Variants in MAGI2 observed in about 807,000 individuals in gnomAD.
The protein encoded by MAGI2 is membrane associated guanylate kinase, WW and PDZ domain containing 2.
A neutral mutation model predicts 133.3 loss-of-function variants in MAGI2; 35 were observed. That is an observed-to-expected ratio of 0.26 (90% confidence interval 0.20 to 0.35). The LOEUF is 0.35. Ranked by LOEUF, MAGI2 falls within the 10% of genes least tolerant of loss-of-function variation. The probability of loss-of-function intolerance (pLI) is 1.00; values close to 1 mark genes in which losing one functional copy is unlikely to be tolerated. For synonymous variants in MAGI2, 729 were observed against 710.6 expected, an observed-to-expected ratio of 1.03 and a Z score of -0.41; for missense variants, 1,636 against 1,863.4, an observed-to-expected ratio of 0.88 and a Z score of 2.25.
intron 1 of MAGI2, among the ~76,000 whole-genome samples, chr7:79,107,159 T>A (rs1000851320): frequency 2.0e-5 from 3 of 152,002 alleles, no homozygotes; most frequent in South Asian, 4.1e-4. Flanking sequence ...TCTAACCACA[T>A]GAATAAGTGG....
intron 20 of MAGI2, among the ~76,000 whole-genome samples, chr7:78,117,865 G>T (rs971640426): frequency 6.6e-6 from 1 of 152,024 alleles, no homozygotes; most frequent in Non-Finnish European, 1.5e-5. Context: ...TCTCTTCACT[G>T]GTTAACAGTT....
chr7:78,075,171 A>G (rs142634550), intron 21 of MAGI2, among the ~76,000 whole-genome samples: 337 of 152,248 alleles, frequency 2.2e-3, no homozygotes, highest in Non-Finnish European at 2.1e-3. Flanking sequence ...AACCTTGGGC[A>G]CTGAGTCTCC....
chr7:79,440,040 T>C (rs761397316), intron 1 of MAGI2, among the ~76,000 whole-genome samples: 51 of 152,246 alleles, frequency 3.3e-4, no homozygotes, highest in Non-Finnish European at 6.8e-4. Context: ...CTCATCTTTC[T>C]AACCATTTCT....
chr7:78,999,925 C>T (rs1243498721), intron 2 of MAGI2, among the ~76,000 whole-genome samples: 2 of 152,108 alleles, frequency 1.3e-5, no homozygotes, highest in African/African-American at 4.8e-5. Flanking sequence ...AATCTGGCAG[C>T]TTCATTCTGA....
At chr7:79,150,846 T>A (rs1216586506) in intron 1 of MAGI2, among the ~76,000 whole-genome samples, 1 of 152,048 alleles carries the variant, frequency 6.6e-6, no homozygotes, top group Non-Finnish European at 1.5e-5. Context: ...ATGGAAAAAT[T>A]CAGGTTTTCT....
chr7:78,739,289 C>A lies in MAGI2; in HGVS notation c.419-112050G>T, dbSNP rs554796463. Reference sequence around the variant, plus strand: ...TCTCTGGCCAAAGGTCGTCAAACACCGAACTTGAATATAGGAATGCAGAGC... The same window carrying A: ...TCTCTGGCCAAAGGTCGTCAAACACAGAACTTGAATATAGGAATGCAGAGC... On this transcript the variant is annotated intron_variant, in intron 2 of 21. Transcript: ENST00000354212. Among the ~76,000 whole-genome samples the A allele has an allele frequency of 2.0e-5, 3 of 152,260 alleles. No homozygotes were observed. In the East Asian group the frequency reaches 5.8e-4, roughly 29 times the overall value.
chr7:78,111,627 C>A (rs1466883834), intron 20 of MAGI2, among the ~76,000 whole-genome samples: 3 of 152,212 alleles, frequency 2.0e-5, no homozygotes, highest in Middle Eastern at 6.3e-3. Context: ...TCGTGTAACT[C>A]ATTTAACACA....
At chr7:78,754,394 T>TAAAA (rs1823749360) in intron 2 of MAGI2, among the ~76,000 whole-genome samples, 1 of 151,516 alleles carries the variant, frequency 6.6e-6, no homozygotes, top group Non-Finnish European at 1.5e-5. Context: ...AATAAATAAA[T>TAAAA]AAATAAATAA....
chr7:78,785,418 T>C (rs979169785), intron 2 of MAGI2, among the ~76,000 whole-genome samples: 1 of 152,360 alleles, frequency 6.6e-6, no homozygotes. Context: ...TTTACAAATT[T>C]AGGAAAGTAT....
chr7:78,715,050 G>A (rs913262137), intron 2 of MAGI2, among the ~76,000 whole-genome samples: 7 of 152,180 alleles, frequency 4.6e-5, no homozygotes, highest in Admixed American at 1.3e-4. Flanking sequence ...TTGTTAAGGA[G>A]AGAGTCCTGT....
chr7:78,650,609 C>A (rs1467940270), intron 2 of MAGI2, among the ~76,000 whole-genome samples: 2 of 152,094 alleles, frequency 1.3e-5, no homozygotes, highest in African/African-American at 4.8e-5. Flanking sequence ...CATGTATAGA[C>A]AGAGAAGAAG....
chr7:78,374,996 C>A (rs1006048590), intron 6 of MAGI2, among the ~76,000 whole-genome samples: 1 of 151,892 alleles, frequency 6.6e-6, no homozygotes, highest in Admixed American at 6.6e-5. Flanking sequence ...TACACCACTA[C>A]ACCTGGCTAT....
chr7:78,121,654 T>C (rs1820488025), intron 20 of MAGI2, among the ~76,000 whole-genome samples: 1 of 152,224 alleles, frequency 6.6e-6, no homozygotes, highest in Admixed American at 6.5e-5. Flanking sequence ...TATAACTTTG[T>C]AAAACCACCT....
At chr7:79,365,880 A>AAAAAAAAAAAT (rs1842672877) in intron 1 of MAGI2, among the ~76,000 whole-genome samples, 1 of 150,780 alleles carries the variant, frequency 6.6e-6, no homozygotes, top group East Asian at 1.9e-4. Context: ...AAAAAAAAAA[A>AAAAAAAAAAAT]AAAAAAAAAA....
At chr7:78,498,396 C>G (rs1390839759) in intron 5 of MAGI2, among the ~76,000 whole-genome samples, 2 of 152,100 alleles carry the variant, frequency 1.3e-5, no homozygotes, top group African/African-American at 4.8e-5. Flanking sequence ...TCATAGTATA[C>G]AGTTTGTTAG....
At chr7:79,041,684 A>G (rs1225620097) in intron 1 of MAGI2, among the ~76,000 whole-genome samples, 1 of 152,174 alleles carries the variant, frequency 6.6e-6, no homozygotes, top group African/African-American at 2.4e-5. Flanking sequence ...AAATGAATAT[A>G]AGAGTCTAGA....
intron 7 of MAGI2, chr7:78,348,311 C>T (rs1562866280): frequency 6.6e-6 from 1 of 152,286 alleles, no homozygotes; most frequent in East Asian, 1.9e-4. Context: ...TTAATAGCTA[C>T]ATCACGGGTT....
intron 2 of MAGI2, among the ~76,000 whole-genome samples, chr7:78,760,686 A>G (rs1280175040): frequency 3.3e-5 from 5 of 152,190 alleles, no homozygotes; most frequent in African/African-American, 1.2e-4. Context: ...TATGTGGGAC[A>G]CAAGTTTCCT....
At chr7:78,158,802 G>A (rs1824657067) in intron 16 of MAGI2, among the ~76,000 whole-genome samples, 2 of 152,080 alleles carry the variant, frequency 1.3e-5, no homozygotes, top group African/African-American at 4.8e-5. Flanking sequence ...TACAGTTTAG[G>A]GGTCATGCAG....
Sources: gnomAD v4.1 joint callset for allele counts (sites outside exome capture counted in the v4.1 genomes callset) on GRCh38, gnomAD v4.1.1 for gene constraint, MANE v1.5 for transcripts, NCBI Gene and HGNC (gene_info 2026-07-23, HGNC 2026-07-21) for gene names.